The following MBNL1 variants were observed in gnomAD, a reference collection of about 807,000 sequenced individuals.
The protein encoded by MBNL1 is muscleblind-like protein 1.
Under a neutral mutation model 42.2 loss-of-function variants are expected in MBNL1, and 8 were observed. That is an observed-to-expected ratio of 0.19 (90% CI 0.11 to 0.34). The LOEUF is 0.34. Ranked by LOEUF, MBNL1 falls within the 10% of genes least tolerant of loss-of-function variation. The probability of loss-of-function intolerance (pLI) is 1.00; values close to 1 mark genes in which losing one functional copy is unlikely to be tolerated. For missense variants in MBNL1, 309 were observed against 495.3 expected (o/e 0.62, Z 3.57); for synonymous variants, 169 against 173.9 (o/e 0.97, Z 0.22).
In MBNL1 at chr3:152,454,985, A is replaced by G. The variant is rs151032418; in HGVS notation, c.962-557A>G. ...TGTATGAATAATTACAACCCCTTTC[A>G]TGTTTATATGGTTGCTGCTACAATG... On this transcript the variant is annotated intron_variant, in intron 6 of 9. Transcript: ENST00000324210. Among the ~76,000 whole-genome samples the G allele has an allele frequency of 9.9e-5, 15 of 152,278 alleles. No homozygotes were observed. In the East Asian group the frequency reaches 2.3e-3, roughly 24 times the overall value.
intron 2 of MBNL1, among the ~76,000 whole-genome samples, chr3:152,326,658 T>G (rs1357946429): frequency 6.6e-6 from 1 of 151,936 alleles, no homozygotes; most frequent in Non-Finnish European, 1.5e-5. Context: ...AGGGAAAAAA[T>G]GCATGATATT....
chr3:152,449,744 T>A (rs1199503836), intron 6 of MBNL1, among the ~76,000 whole-genome samples: 1 of 152,118 alleles, frequency 6.6e-6, no homozygotes, highest in East Asian at 1.9e-4. Flanking sequence ...ATGCTGAAAA[T>A]TTTAAGATAT....
At chr3:152,395,568 C>A (rs1166872928) in intron 2 of MBNL1, among the ~76,000 whole-genome samples, 1 of 152,198 alleles carries the variant, frequency 6.6e-6, no homozygotes, top group Non-Finnish European at 1.5e-5. Context: ...CTCTTGACTT[C>A]TCTTAATGAG....
intron 2 of MBNL1, among the ~76,000 whole-genome samples, chr3:152,350,683 A>G (rs1322693051): frequency 1.3e-5 from 2 of 152,104 alleles, no homozygotes; most frequent in Non-Finnish European, 2.9e-5. Flanking sequence ...AGATTAACCA[A>G]AAACTTCCTG....
intron 2 of MBNL1, among the ~76,000 whole-genome samples, chr3:152,350,290 A>G (rs997345319): frequency 6.6e-6 from 1 of 152,186 alleles, no homozygotes; most frequent in Non-Finnish European, 1.5e-5. Flanking sequence ...AAAGGACAGT[A>G]GTAATCTTTG....
intron 2 of MBNL1, among the ~76,000 whole-genome samples, chr3:152,344,008 T>G (rs1161913728): frequency 6.6e-6 from 1 of 152,130 alleles, no homozygotes; most frequent in Non-Finnish European, 1.5e-5. Flanking sequence ...GTATGAACGT[T>G]AAGAACTTAC....
At chr3:152,429,752 A>C (rs1170202436) in intron 3 of MBNL1, among the ~76,000 whole-genome samples, 1 of 152,014 alleles carries the variant, frequency 6.6e-6, no homozygotes, top group African/African-American at 2.4e-5. Flanking sequence ...GATGTAACAA[A>C]TTTACAAAAA....
rs938194587 is a variant in MBNL1 at position 152,389,733 on chromosome 3, A to T, written c.175-25208A>T. On this transcript the variant is annotated intron_variant, in intron 2 of 9. Transcript: ENST00000324210. The stretch of plus-strand genomic sequence containing the variant: ...CTTGCAGGACTGGAAGTTGTTCTGG[A>T]TGAGTGAGTGAGTAGTGAGTGAATG... Among the ~76,000 whole-genome samples, 5 of 152,124 alleles carry T rather than the reference A, an allele frequency of 3.3e-5. No homozygotes were observed. In the East Asian group the frequency reaches 9.6e-4, roughly 29 times the overall value.
chr3:152,250,051 G>A (rs1224580293), intron 2 of MBNL1, among the ~76,000 whole-genome samples: 5 of 151,662 alleles, frequency 3.3e-5, no homozygotes, highest in Non-Finnish European at 5.9e-5. Flanking sequence ...GTCAGGTAGT[G>A]TGATGCCTCC....
intron 4 of MBNL1, among the ~76,000 whole-genome samples, chr3:152,440,951 A>G (rs1000927609): frequency 7.2e-5 from 11 of 152,186 alleles, no homozygotes; most frequent in African/African-American, 2.2e-4. Flanking sequence ...ACATGTAGCT[A>G]TATGTCTTTG....
chr3:152,433,470 G>T (rs2099033718), intron 4 of MBNL1, among the ~76,000 whole-genome samples: 1 of 152,106 alleles, frequency 6.6e-6, no homozygotes, highest in Non-Finnish European at 1.5e-5. Flanking sequence ...GTTTTTTGCG[G>T]CCGGGCGCGG....
At chr3:152,429,812 GTC>G (rs374144605) in intron 3 of MBNL1, among the ~76,000 whole-genome samples, 14 of 145,728 alleles carry the variant, frequency 9.6e-5, no homozygotes, top group African/African-American at 5.4e-5. Flanking sequence ...GTGTGTGTGT[GTC>G]TGTCTGTCTG....
rs988148887 is a variant in MBNL1 at position 152,254,788 on chromosome 3, G to T, written n.333+10348G>T. On this transcript the variant is annotated intron_variant and non_coding_transcript_variant, in intron 2 of 2. Transcript: ENST00000477171. ...TGCTATTTCGTGTTAAACTTTTTTT[G>T]TATCATCATGTCAGGTGCTTCACAT... Among the ~76,000 whole-genome samples the T allele has an allele frequency of 3.9e-5, 6 of 152,046 alleles. No individual in the cohort carries two copies. In the East Asian group the frequency reaches 7.7e-4, roughly 20 times the overall value.
intron 2 of MBNL1, among the ~76,000 whole-genome samples, chr3:152,409,527 C>A (rs1020536649): frequency 6.6e-6 from 1 of 151,668 alleles, no homozygotes; most frequent in Non-Finnish European, 1.5e-5. Flanking sequence ...GCCAGAGTTT[C>A]TGGGCAATAT....
intron 9 of MBNL1, among the ~76,000 whole-genome samples, chr3:152,460,803 A>ATTC (rs1433469414): frequency 6.6e-6 from 1 of 152,186 alleles, no homozygotes; most frequent in Admixed American, 6.5e-5. Context: ...ATGGGTGACC[A>ATTC]TTCTTTGTTG....
intron 2 of MBNL1, among the ~76,000 whole-genome samples, chr3:152,305,157 T>C (rs575411278): frequency 8.8e-4 from 134 of 152,250 alleles, no homozygotes; most frequent in African/African-American, 3.1e-3. Flanking sequence ...TTCCACGGAG[T>C]ACCCTTGAAA....
intron 2 of MBNL1, among the ~76,000 whole-genome samples, chr3:152,316,602 C>G (rs1412285204): frequency 5.9e-5 from 9 of 152,114 alleles, no homozygotes; most frequent in Non-Finnish European, 1.3e-4. Context: ...CCTGCTTGCT[C>G]CATCACCTAG....
chr3:152,278,559 G>A (rs2046599819), intron 1 of MBNL1, among the ~76,000 whole-genome samples: 2 of 152,036 alleles, frequency 1.3e-5, no homozygotes, highest in African/African-American at 4.8e-5. Flanking sequence ...AATTGCCTAC[G>A]GGAAATGACT....
At chr3:152,252,134 ACCTTCCTT>A (rs139692617) in intron 2 of MBNL1, among the ~76,000 whole-genome samples, 4,908 of 102,844 alleles carry the variant, frequency 0.048, 130 homozygotes, top group East Asian at 0.086. Context: ...AAACTAACCT[ACCTTCCTT>A]CCTTCCTTCC....
Sources: allele counts gnomAD v4.1 joint callset (sites outside exome capture counted in the v4.1 genomes callset), GRCh38; gene constraint gnomAD v4.1.1; transcripts MANE v1.5; gene names NCBI Gene and HGNC (gene_info 2026-07-23, HGNC 2026-07-21).